Variants in STYX observed in about 807,000 individuals in gnomAD.
The protein encoded by STYX is serine/threonine/tyrosine-interacting protein.
A neutral mutation model predicts 42.7 loss-of-function variants in STYX; 20 were observed. That is an observed-to-expected ratio of 0.47 (90% CI 0.33 to 0.68). STYX has a LOEUF of 0.68. Among genes scored for constraint, STYX ranks in the 30% least tolerant of loss-of-function variants. The pLI is 0.02. For synonymous variants in STYX, 78 were observed against 81.9 expected, an observed-to-expected ratio of 0.95 and a Z score of 0.26; for missense variants, 226 against 268.5, an observed-to-expected ratio of 0.84 and a Z score of 1.11.
intron 1 of STYX, among the ~76,000 whole-genome samples, chr14:52,733,573 C>G (rs1435815075): frequency 6.6e-6 from 1 of 152,172 alleles, no homozygotes. Context: ...GTTCCCGTTA[C>G]TCCCTCCTTG....
chr14:52,763,940 T>C (rs911987693), intron 9 of STYX, among the ~76,000 whole-genome samples: 35 of 152,202 alleles, frequency 2.3e-4, no homozygotes, highest in African/African-American at 8.2e-4. Context: ...ATTTGGTACA[T>C]AAAAATTCAA....
chr14:52,750,453 A>G (rs541032221), intron 3 of STYX, among the ~76,000 whole-genome samples: 1 of 152,310 alleles, frequency 6.6e-6, no homozygotes, highest in Admixed American at 6.5e-5. Flanking sequence ...AATTGTAGGT[A>G]TGAAATATCC....
In STYX at chr14:52,730,425, C is replaced by T. The variant is rs1340213597; in HGVS notation, c.-50C>T. 1 of 1,596,766 alleles carries T rather than the reference C, an allele frequency of 6.3e-7. No individual in the cohort carries two copies. ...CGCCGCAGCCAGCCCGAGGGTCGGC[C>T]GGCTGTGTAACACTCTCCCACCCCA... On this transcript the variant is annotated 5_prime_UTR_variant, in exon 1 of 11. Transcript: ENST00000354586.
At chr14:52,767,009 A>G (rs1882328349) in intron 9 of STYX, among the ~76,000 whole-genome samples, 1 of 152,238 alleles carries the variant, frequency 6.6e-6, no homozygotes. Context: ...TAGTGGGAGA[A>G]TCAGACAACA....
At chr14:52,734,905 A>C (rs951577914) in intron 1 of STYX, among the ~76,000 whole-genome samples, 12 of 152,096 alleles carry the variant, frequency 7.9e-5, no homozygotes, top group Admixed American at 7.2e-4. Context: ...ACTTAAAAAA[A>C]AATTAGCCAG....
At chr14:52,770,374 G>C (rs1317367265) in intron 10 of STYX, among the ~76,000 whole-genome samples, 1 of 152,076 alleles carries the variant, frequency 6.6e-6, no homozygotes, top group Non-Finnish European at 1.5e-5. Context: ...AAACACAGCA[G>C]ACCCTCTGCT....
chr14:52,735,863 G>C (rs1880926533), intron 1 of STYX, among the ~76,000 whole-genome samples: 1 of 152,188 alleles, frequency 6.6e-6, no homozygotes, highest in African/African-American at 2.4e-5. Context: ...GTATAGGACA[G>C]TGCTAACAAA....
rs910295310 is a variant in STYX at position 52,772,567 on chromosome 14, A to C, written c.*1461A>C. 8 of 152,458 alleles carry C rather than the reference A, an allele frequency of 5.2e-5. No homozygotes were observed. The highest frequency in any genetic ancestry group is 1.7e-4 in the African/African-American group (7 of 41,388). 9.4% of individuals were successfully genotyped at this position (152,458 alleles called of 1,614,324 possible). A position where few individuals can be genotyped will look rare whatever the true frequency, so the allele number is the denominator to read the frequency against. On this transcript the variant is annotated 3_prime_UTR_variant, in exon 11 of 11. Transcript: ENST00000354586. The stretch of plus-strand genomic sequence containing the variant: ...ACTCCTTTGTATCTAACTTTTCTCA[A>C]TCCTCTCTTGAGGTGCTTTACTAAT...
intron 1 of STYX, among the ~76,000 whole-genome samples, chr14:52,739,112 T>C (rs1162612968): frequency 1.3e-5 from 2 of 152,124 alleles, no homozygotes; most frequent in Non-Finnish European, 2.9e-5. Context: ...GGTATACACT[T>C]TTTAAAAATA....
At chr14:52,766,018 A>AG (rs890898293) in intron 9 of STYX, among the ~76,000 whole-genome samples, 3 of 151,912 alleles carry the variant, frequency 2.0e-5, no homozygotes, top group East Asian at 3.9e-4. Flanking sequence ...TTGTTTTTTG[A>AG]GGGGGTCTCG....
At chr14:52,761,449 C>G (rs1882090649) in intron 9 of STYX, among the ~76,000 whole-genome samples, 2 of 151,764 alleles carry the variant, frequency 1.3e-5, no homozygotes, top group African/African-American at 4.8e-5. Context: ...ATAGATGTTT[C>G]CAGATTGCCT....
intron 9 of STYX, among the ~76,000 whole-genome samples, chr14:52,766,689 C>A (rs970222818): frequency 6.6e-6 from 1 of 152,084 alleles, no homozygotes; most frequent in Non-Finnish European, 1.5e-5. Context: ...TCAAGCCTTC[C>A]CTGATTTCAG....
At chr14:52,763,289 A>T (rs767534843) in intron 9 of STYX, among the ~76,000 whole-genome samples, 1 of 152,158 alleles carries the variant, frequency 6.6e-6, no homozygotes, top group African/African-American at 2.4e-5. Flanking sequence ...GAATTAAGGA[A>T]AATAATATCT....
chr14:52,756,530 C>G (rs751279293), intron 4 of STYX, 21 bp from the exon 5 acceptor site: 21 of 1,412,668 alleles, frequency 1.5e-5, no homozygotes, highest in Admixed American at 2.2e-5. Context: ...GTGTGCTTAT[C>G]ACAAAATACT....
chr14:52,737,544 TCTA>T (rs1296731381), intron 1 of STYX, among the ~76,000 whole-genome samples: 3 of 152,238 alleles, frequency 2.0e-5, no homozygotes, highest in Admixed American at 6.5e-5. Flanking sequence ...GAAATTGATT[TCTA>T]CTAATTAATT....
chr14:52,747,585 G>A (rs1391033603), intron 3 of STYX, among the ~76,000 whole-genome samples: 1 of 152,178 alleles, frequency 6.6e-6, no homozygotes, highest in Non-Finnish European at 1.5e-5. Context: ...AAAGACAGAT[G>A]TAAACAAGGT....
chr14:52,745,662 C>T (rs181639903), intron 2 of STYX, among the ~76,000 whole-genome samples: 25 of 152,318 alleles, frequency 1.6e-4, no homozygotes, highest in African/African-American at 5.8e-4. Flanking sequence ...CGATAGCTAA[C>T]CCTCATAGCA....
rs543494931 is a variant in STYX at position 52,765,428 on chromosome 14, G to C, written c.505-3412G>C. On this transcript the variant is annotated intron_variant, in intron 9 of 10. Coordinates refer to ENST00000354586, the MANE Select transcript of STYX (RefSeq NM_145251.4). ...GATGGAATTTCACCATGTTAGCTAG[G>C]CTGGTCTCAAACTTCCGACCTCAGG... Among the ~76,000 whole-genome samples the C allele has an allele frequency of 2.2e-4, 34 of 152,278 alleles. 1 individual carries two copies. In the South Asian group the frequency reaches 7.0e-3, roughly 32 times the overall value.
At chr14:52,767,434 T>C (rs1355233110) in intron 9 of STYX, among the ~76,000 whole-genome samples, 3 of 152,230 alleles carry the variant, frequency 2.0e-5, no homozygotes, top group South Asian at 4.1e-4. Flanking sequence ...ATAAGTTTTA[T>C]GGCATTTTCT....
Sources: allele counts gnomAD v4.1 joint callset (sites outside exome capture counted in the v4.1 genomes callset), GRCh38; gene constraint gnomAD v4.1.1; transcripts MANE v1.5; gene names NCBI Gene and HGNC (gene_info 2026-07-23, HGNC 2026-07-21).